CNTNAP5: variants seen among roughly 807,000 people sequenced by gnomAD.
The protein encoded by CNTNAP5 is contactin associated protein family member 5, also known as contactin-associated protein-like 5.
Under a neutral mutation model 150.2 loss-of-function variants are expected in CNTNAP5, and 72 were observed. That is an observed-to-expected ratio of 0.48 (90% CI 0.40 to 0.58). The LOEUF (loss-of-function observed/expected upper bound fraction) is 0.58. Ranked by LOEUF, CNTNAP5 falls within the 20% of genes least tolerant of loss-of-function variation. CNTNAP5 has a pLI of 0.00. For synonymous variants in CNTNAP5, 672 were observed against 619.8 expected, an observed-to-expected ratio of 1.08 and a Z score of -1.25; for missense variants, 1,636 against 1,626.2, an observed-to-expected ratio of 1.01 and a Z score of -0.10.
In CNTNAP5 at chr2:124,730,216, TA is replaced by T. The variant is rs578120423; in HGVS notation, c.2078-17007del. Among the ~76,000 whole-genome samples, 14 of 152,130 alleles carry T rather than the reference TA, an allele frequency of 9.2e-5. No individual in the cohort carries two copies. The South Asian group carries it at 2.9e-3, about 32-fold the overall frequency. ...TAAAAATCCTGTCTTAAATCTTAGG[TA>T]AAAAATGTGTCTTTAGGGAAACTGT... On this transcript the variant is annotated intron_variant, in intron 13 of 23. Coordinates refer to ENST00000682447, the MANE Select transcript of CNTNAP5 (RefSeq NM_001367498.1).
intron 12 of CNTNAP5, among the ~76,000 whole-genome samples, chr2:124,633,985 C>A (rs1387626097): frequency 6.6e-6 from 1 of 152,162 alleles, no homozygotes; most frequent in Non-Finnish European, 1.5e-5. Flanking sequence ...CTGGTCCCGA[C>A]CCATGAAACC....
At chr2:124,797,735 C>T (rs968247724) in intron 18 of CNTNAP5, among the ~76,000 whole-genome samples, 1 of 152,168 alleles carries the variant, frequency 6.6e-6, no homozygotes, top group Non-Finnish European at 1.5e-5. Flanking sequence ...TCTCTATGCA[C>T]TATGCTGGAG....
chr2:124,109,734 TGATAG>T (rs60948970), intron 1 of CNTNAP5, among the ~76,000 whole-genome samples: 44,760 of 151,780 alleles, frequency 0.29, 7,106 homozygotes, highest in Admixed American at 0.37. Context: ...GCCCCTTGCC[TGATAG>T]GGTATAATGT....
chr2:124,349,874 C>CTATTTCTTTT (rs1689830963), intron 3 of CNTNAP5, among the ~76,000 whole-genome samples: 25 of 81,840 alleles, frequency 3.1e-4, no homozygotes, highest in Non-Finnish European at 4.8e-4. Flanking sequence ...CTGGCTATTT[C>CTATTTCTTTT]TTTTTTTTTT....
At chr2:124,335,232 G>A (rs574755909) in intron 3 of CNTNAP5, among the ~76,000 whole-genome samples, 12 of 152,154 alleles carry the variant, frequency 7.9e-5, no homozygotes, top group East Asian at 1.9e-4. Flanking sequence ...CCAGGCAACC[G>A]AAGTTGAAAT....
intron 19 of CNTNAP5, among the ~76,000 whole-genome samples, chr2:124,862,214 A>C (rs1377867139): frequency 6.6e-6 from 1 of 152,228 alleles, no homozygotes; most frequent in Non-Finnish European, 1.5e-5. Flanking sequence ...TTATATGAAC[A>C]AAAAATGATG....
chr2:124,377,970 G>A (rs1243726307), intron 3 of CNTNAP5, among the ~76,000 whole-genome samples: 1 of 152,032 alleles, frequency 6.6e-6, no homozygotes, highest in African/African-American at 2.4e-5. Context: ...CAAGCTCTTT[G>A]CTACTTGTGT....
At chr2:124,827,381 C>T (rs986633387) in intron 19 of CNTNAP5, among the ~76,000 whole-genome samples, 1 of 152,168 alleles carries the variant, frequency 6.6e-6, no homozygotes, top group African/African-American at 2.4e-5. Context: ...AGTTAAAGTC[C>T]TTGTACTGGT....
At chr2:124,648,063 G>C in intron 13 of CNTNAP5, 105 bp downstream of exon 13, 1 of 979,874 alleles carries the variant, frequency 1.0e-6, no homozygotes. Context: ...GTTACAGTTA[G>C]TCACTGTGCA....
intron 7 of CNTNAP5, among the ~76,000 whole-genome samples, chr2:124,487,053 T>C (rs529242704): frequency 6.6e-6 from 1 of 152,342 alleles, no homozygotes. Flanking sequence ...GTTTGTCTAA[T>C]ACCTTAGTTC....
intron 10 of CNTNAP5, among the ~76,000 whole-genome samples, chr2:124,531,189 C>T (rs1695098211): frequency 6.6e-6 from 1 of 152,108 alleles, no homozygotes; most frequent in Non-Finnish European, 1.5e-5. Flanking sequence ...CTGGATCCCT[C>T]ACATGCACAG....
At chr2:124,874,366 G>C (rs150763703) in intron 21 of CNTNAP5, among the ~76,000 whole-genome samples, 1 of 152,170 alleles carries the variant, frequency 6.6e-6, no homozygotes, top group South Asian at 2.1e-4. Context: ...AAGTATAGAT[G>C]TGTATGCCTC....
intron 12 of CNTNAP5, among the ~76,000 whole-genome samples, chr2:124,617,305 G>C (rs1423833139): frequency 6.6e-6 from 1 of 151,804 alleles, no homozygotes; most frequent in African/African-American, 2.4e-5. Flanking sequence ...ATAAAACAGA[G>C]GTATATTTTC....
In CNTNAP5 at chr2:124,609,918, C is replaced by T. The variant is rs1435578255; in HGVS notation, c.1874C>T (p.Thr625Ile). ...LGPLQVYCNI[T>I]EDKIWTSVQH... ...CCTCTCCAGGTGTACTGCAATATCA[C>T]TGGTAAGGGTGCAGTAGCCCTACTC... The change falls in exon 12 of 24, where the codon ACT becomes ATT. Residue 625 changes from threonine (T) to isoleucine (I), a missense_variant and splice_region_variant. Thr to Ile is a moderately conservative substitution (Grantham distance 89). Transcript: ENST00000682447. The T allele has an allele frequency of 6.2e-7, 1 of 1,613,388 alleles. No homozygotes were observed. The highest frequency in any genetic ancestry group is 8.5e-7 in the Non-Finnish European group (1 of 1,179,496).
At chr2:124,629,788 T>TTTTG (rs70996083) in intron 12 of CNTNAP5, among the ~76,000 whole-genome samples, 1 of 145,454 alleles carries the variant, frequency 6.9e-6, no homozygotes, top group Non-Finnish European at 1.5e-5. Flanking sequence ...TTTTTTTTTT[T>TTTTG]GAAAAAACCA....
chr2:124,263,172 A>G (rs1183549717), intron 3 of CNTNAP5, among the ~76,000 whole-genome samples: 1 of 152,280 alleles, frequency 6.6e-6, no homozygotes, highest in African/African-American at 2.4e-5. Flanking sequence ...CCCAGTAATG[A>G]GATGGCTGGG....
At chr2:124,724,404 C>T (rs1292441197) in intron 13 of CNTNAP5, among the ~76,000 whole-genome samples, 1 of 152,084 alleles carries the variant, frequency 6.6e-6, no homozygotes, top group Non-Finnish European at 1.5e-5. Flanking sequence ...TCCACGTATT[C>T]AGGTGTCTGG....
rs934010795 is a variant in CNTNAP5, at chr2:124,504,489, C to A, written c.1260C>A (p.Ser420Arg). 2 of 1,613,534 alleles carry A rather than the reference C, an allele frequency of 1.2e-6. No individual in the cohort carries two copies. Among genetic ancestry groups the A allele is most frequent in the Non-Finnish European group, 8.5e-7 (1 of 1,179,750 alleles). The change falls in exon 8 of 24, where the codon AGC (serine) becomes AGA (arginine). Residue 420 changes from serine to arginine, a missense_variant. By Grantham distance (110) the Ser-to-Arg change is moderately radical. Transcript: ENST00000682447. The part of the protein sequence containing the change: ...LSEGSGTLLL[S>R]LEGGILRLVI... Reference sequence around the variant, plus strand: ...AGGGCTCGGGAACCCTGCTGCTGAGCCTGGAGGGTGGAATCCTGAGACTCG... The same window carrying A: ...AGGGCTCGGGAACCCTGCTGCTGAGACTGGAGGGTGGAATCCTGAGACTCG...
chr2:124,575,294 A>G (rs963751389), intron 11 of CNTNAP5, among the ~76,000 whole-genome samples: 2 of 152,252 alleles, frequency 1.3e-5, no homozygotes, highest in Non-Finnish European at 1.5e-5. Context: ...CTTTTAAAAT[A>G]TAGTTTCTGT....
Sources: allele counts gnomAD v4.1 joint callset (sites outside exome capture counted in the v4.1 genomes callset), GRCh38; gene constraint gnomAD v4.1.1; transcripts MANE v1.5; gene names NCBI Gene and HGNC (gene_info 2026-07-23, HGNC 2026-07-21).